Variants in WWOX observed in about 807,000 individuals in gnomAD.
The protein encoded by WWOX is WW domain containing oxidoreductase.
WWOX carries 69 observed loss-of-function variants against 46.2 expected under a neutral mutation model. The observed-to-expected ratio is 1.49, with a 90% CI of 1.23 to 1.82. WWOX has a LOEUF of 1.82. WWOX is among the 40% of genes most tolerant of loss of function. The pLI, the probability that WWOX is intolerant of heterozygous loss-of-function variation, is 0.00. For synonymous variants in WWOX, 359 were observed against 202.6 expected (o/e 1.77, Z -6.56); for missense variants, 919 against 542.6 (o/e 1.69, Z -6.89).
intron 6 of WWOX, among the ~76,000 whole-genome samples, chr16:78,405,956 A>G (rs1007242997): frequency 6.6e-6 from 1 of 152,098 alleles, no homozygotes; most frequent in African/African-American, 2.4e-5. Flanking sequence ...CACTAAACAA[A>G]AGAATTCTCT....
chr16:78,402,041 A>C (rs1397391559), intron 6 of WWOX, among the ~76,000 whole-genome samples: 1 of 152,166 alleles, frequency 6.6e-6, no homozygotes, highest in African/African-American at 2.4e-5. Flanking sequence ...GATTTTTATT[A>C]CGTTCACAAA....
At chr16:78,610,226 C>T (rs760078544) in intron 8 of WWOX, among the ~76,000 whole-genome samples, 14 of 152,150 alleles carry the variant, frequency 9.2e-5, no homozygotes, top group Non-Finnish European at 1.5e-4. Flanking sequence ...TGATAAAGAT[C>T]CCTTTTACCC....
intron 8 of WWOX, among the ~76,000 whole-genome samples, chr16:78,629,066 G>A (rs1338220955): frequency 3.9e-5 from 6 of 152,072 alleles, no homozygotes; most frequent in African/African-American, 1.4e-4. Context: ...GTGTTTTATT[G>A]TGCTTACATA....
intron 6 of WWOX, 50 bp from the exon 7 acceptor site, chr16:78,424,820 C>T: frequency 6.2e-7 from 1 of 1,606,220 alleles, no homozygotes; most frequent in Non-Finnish European, 8.5e-7. Flanking sequence ...ATGGATTATC[C>T]TTGGTTGTAG....
chr16:78,529,468 C>CA (rs2043565900), intron 8 of WWOX, among the ~76,000 whole-genome samples: 3 of 150,806 alleles, frequency 2.0e-5, no homozygotes, highest in African/African-American at 7.4e-5. Flanking sequence ...GAATGTTTTT[C>CA]GTTTTTTTTA....
intron 5 of WWOX, among the ~76,000 whole-genome samples, chr16:78,286,094 A>G (rs2079762074): frequency 6.6e-6 from 1 of 152,336 alleles, no homozygotes; most frequent in East Asian, 1.9e-4. Context: ...TCATTTAAAA[A>G]AATCTGCTAA....
At chr16:78,714,384 C>T (rs191157995) in intron 8 of WWOX, among the ~76,000 whole-genome samples, 1 of 152,030 alleles carries the variant, frequency 6.6e-6, no homozygotes, top group East Asian at 1.9e-4. Flanking sequence ...ATAAAACCAT[C>T]AGATCTCGTG....
intron 8 of WWOX, among the ~76,000 whole-genome samples, chr16:79,200,383 A>G (rs1387990275): frequency 2.6e-5 from 4 of 152,192 alleles, no homozygotes; most frequent in Non-Finnish European, 4.4e-5. Context: ...AAGGGTATAG[A>G]GTATGGAGTT....
At chr16:78,833,816 C>T (rs2051898893) in intron 8 of WWOX, among the ~76,000 whole-genome samples, 1 of 152,380 alleles carries the variant, frequency 6.6e-6, no homozygotes, top group Middle Eastern at 3.4e-3. Context: ...ACACAGCTCA[C>T]AAGCAAGTGC....
chr16:78,720,967 G>A (rs951474527), intron 8 of WWOX, among the ~76,000 whole-genome samples: 13 of 152,098 alleles, frequency 8.5e-5, no homozygotes, highest in African/African-American at 3.1e-4. Flanking sequence ...CCAAGTGGAC[G>A]CTAATCACCA....
chr16:79,068,963 C>G (rs1484916847), intron 8 of WWOX, among the ~76,000 whole-genome samples: 2 of 152,122 alleles, frequency 1.3e-5, no homozygotes, highest in Non-Finnish European at 2.9e-5. Flanking sequence ...TCACAGTTGT[C>G]TTACGCACAG....
intron 8 of WWOX, among the ~76,000 whole-genome samples, chr16:78,864,146 C>T (rs1333454120): frequency 6.6e-6 from 1 of 152,112 alleles, no homozygotes; most frequent in Non-Finnish European, 1.5e-5. Flanking sequence ...TAACCACCTA[C>T]CTGGGAGTGG....
At position 79,017,312 on chromosome 16, in the gene WWOX, C is replaced by T. The variant is rs1200286446; in HGVS notation, c.1057-194296C>T. ...AGGCATGGTGGTGGGCACCTGTAGT[C>T]CCAGCTACTCGGGAGGCTGAAGCAG... On this transcript the variant is annotated intron_variant, in intron 8 of 8. Coordinates refer to ENST00000566780, the MANE Select transcript of WWOX (RefSeq NM_016373.4). 2.0e-5 allele frequency: 3 copies of T among 151,596 alleles called. No individual in the cohort carries two copies. The East Asian group carries it at 5.8e-4, about 29-fold the overall frequency. The allele number at this position is 151,596 out of a possible 1,614,324, so 9.4% of individuals were successfully genotyped here.
intron 8 of WWOX, among the ~76,000 whole-genome samples, chr16:78,610,623 A>G (rs1003054664): frequency 4.0e-5 from 6 of 150,848 alleles, no homozygotes; most frequent in Admixed American, 6.8e-5. Flanking sequence ...AAGTCTGTTT[A>G]TATCTGTTGC....
intron 8 of WWOX, among the ~76,000 whole-genome samples, chr16:78,934,423 C>G (rs1438748168): frequency 6.9e-6 from 1 of 144,434 alleles, no homozygotes; most frequent in Admixed American, 7.0e-5. Context: ...GCAGGAGGAT[C>G]ACTTGAGTCC....
rs115044050 is a variant in WWOX at position 79,162,671 on chromosome 16, C to G, written c.1057-48937C>G. Among the ~76,000 whole-genome samples, 1,200 of 152,302 alleles carry G rather than the reference C, an allele frequency of 7.9e-3. 9 individuals carry two copies. The highest frequency in any genetic ancestry group is 0.027 in the African/African-American group (1,130 of 41,554). ...TCTGCTTTCATCCTTATGCTCTCAA[C>G]AGATCATGCCAAGGTCCTGTGTTCA... On this transcript the variant is annotated intron_variant, in intron 8 of 8. Transcript: ENST00000566780.
At chr16:78,979,568 T>C (rs1472027378) in intron 8 of WWOX, among the ~76,000 whole-genome samples, 4 of 152,176 alleles carry the variant, frequency 2.6e-5, no homozygotes, top group Admixed American at 6.5e-5. Context: ...CTGTGACGGT[T>C]TCTACAGAGG....
At chr16:78,323,150 C>T (rs1407903907) in intron 5 of WWOX, among the ~76,000 whole-genome samples, 1 of 152,122 alleles carries the variant, frequency 6.6e-6, no homozygotes, top group Admixed American at 6.6e-5. Flanking sequence ...CTCTGTTGCC[C>T]AGGCTGGAGT....
intron 8 of WWOX, among the ~76,000 whole-genome samples, chr16:79,087,674 G>A (rs1230264885): frequency 1.3e-5 from 2 of 152,236 alleles, no homozygotes; most frequent in Admixed American, 1.3e-4. Context: ...CTAGATCGTT[G>A]CATTTGTGGT....
Sources: gnomAD v4.1 joint callset for allele counts (sites outside exome capture counted in the v4.1 genomes callset) on GRCh38, gnomAD v4.1.1 for gene constraint, MANE v1.5 for transcripts, NCBI Gene and HGNC (gene_info 2026-07-23, HGNC 2026-07-21) for gene names.